LEMD3: variants seen among roughly 807,000 people sequenced by gnomAD.
LEMD3 encodes the protein LEM domain containing 3.
LEMD3 carries 33 observed loss-of-function variants against 95.2 expected under a neutral mutation model. That is an observed-to-expected ratio of 0.35 (90% CI 0.26 to 0.46). LEMD3 has a LOEUF of 0.46. Among genes scored for constraint, LEMD3 ranks in the 20% least tolerant of loss-of-function variants. The pLI is 1.00. For synonymous variants in LEMD3, 525 were observed against 474.6 expected (o/e 1.11, Z -1.38); for missense variants, 1,210 against 1,192.8 (o/e 1.01, Z -0.21).
chr12:65,220,642 C>T (rs1357084174), intron 4 of LEMD3, among the ~76,000 whole-genome samples: 1 of 152,074 alleles, frequency 6.6e-6, no homozygotes, highest in Non-Finnish European at 1.5e-5. Flanking sequence ...AAATTATTGC[C>T]CATATCAACG....
At chr12:65,188,450 T>C (rs1869134486) in intron 1 of LEMD3, among the ~76,000 whole-genome samples, 1 of 152,148 alleles carries the variant, frequency 6.6e-6, no homozygotes, top group Non-Finnish European at 1.5e-5. Context: ...TGAGCTTTTA[T>C]AGGCTGAATG....
chr12:65,246,681 T>C lies in LEMD3; in HGVS notation c.*356T>C. On this transcript the variant is annotated 3_prime_UTR_variant, in exon 13 of 13. Coordinates refer to ENST00000308330, the MANE Select transcript of LEMD3 (RefSeq NM_014319.5). ...GATGAAAAGGCTTCTTGTAGTCCCATAATTTCTTGTGAACTAATGTTGTGA... is the reference window on the plus strand; with the variant it reads ...GATGAAAAGGCTTCTTGTAGTCCCACAATTTCTTGTGAACTAATGTTGTGA... 1 of 256,716 alleles carries C rather than the reference T, an allele frequency of 3.9e-6. No homozygotes were observed. The highest frequency in any genetic ancestry group is 7.6e-6 in the Non-Finnish European group (1 of 132,008). The allele number at this position is 256,716 out of a possible 1,614,324, so 15.9% of individuals were successfully genotyped here.
At position 65,243,447 on chromosome 12, in the gene LEMD3, C is replaced by A. The variant is rs1022928543; in HGVS notation, c.2365C>A (p.Arg789=). The A allele has an allele frequency of 6.3e-7, 1 of 1,595,410 alleles. No homozygotes were observed. The highest frequency in any genetic ancestry group is 1.1e-5 in the South Asian group (1 of 90,628). ...TAGTTTGACACCGTGTCTAAAGATT[C>A]GGAATATGTTTGATCCCGTTATGTA... is the stretch of plus-strand genomic sequence containing the variant. ...PNSLTPCLKI[R]NMFDPVMEIG... Residue 789 remains arginine, a synonymous_variant, in exon 10 of 13, where the codon CGG becomes AGG. Coordinates refer to ENST00000308330, the MANE Select transcript of LEMD3 (RefSeq NM_014319.5).
In LEMD3 at chr12:65,170,127, G is replaced by A; in HGVS notation, c.531G>A (p.Leu177=). ...GGCTCAAAGCGCCGCCGGCGCCCCT[G>A]GCCGCCAGCGAGGTGACTAACAGCA... is the stretch of plus-strand genomic sequence containing the variant. ...YRGLKAPPAP[L]AASEVTNSNS... is the part of the protein sequence containing the mutation. The change falls in exon 1 of 13, where the codon CTG becomes CTA. Residue 177 remains leucine, a synonymous_variant. Transcript: ENST00000308330. 3 of 1,462,732 alleles carry A rather than the reference G, an allele frequency of 2.1e-6. No homozygotes were observed. Among genetic ancestry groups the A allele is most frequent in the Middle Eastern group, 1.8e-4 (1 of 5,586 alleles). The allele number at this position is 1,462,732 out of a possible 1,614,324, so 90.6% of individuals were successfully genotyped here.
In LEMD3 at chr12:65,232,820, G is replaced by A. The variant is rs570901585; in HGVS notation, c.1696-5682G>A. Reference sequence around the variant, plus strand: ...GGAATAATGTAATGAATGGGTTTACGTTCCTAGGTTGCTTTCAAAACCTTC... The same window carrying A: ...GGAATAATGTAATGAATGGGTTTACATTCCTAGGTTGCTTTCAAAACCTTC... On this transcript the variant is annotated intron_variant, in intron 4 of 12. Transcript: ENST00000308330. Among the ~76,000 whole-genome samples, 14 of 152,232 alleles carry A rather than the reference G, an allele frequency of 9.2e-5. No individual in the cohort carries two copies. The East Asian group carries it at 1.5e-3, about 17-fold the overall frequency.
Position 65,170,272 on chromosome 12 carries a change from G to A in LEMD3, c.676G>A (p.Asp226Asn), listed in dbSNP as rs1298362745. Residue 226 changes from aspartate to asparagine, a missense_variant, in exon 1 of 13, where the codon GAC (aspartate) becomes AAC (asparagine). By Grantham distance (23) the Asp-to-Asn change is conservative (BLOSUM62 1). Coordinates refer to ENST00000308330, the MANE Select transcript of LEMD3 (RefSeq NM_014319.5). ...GGAGGACGAGGAAGGGGAGGGAGAGGACGGTGAGGAGAGGGACCCGGAGAC... is the reference window on the plus strand; with the variant it reads ...GGAGGACGAGGAAGGGGAGGGAGAGAACGGTGAGGAGAGGGACCCGGAGAC... Reference protein sequence around the residue: ...AVEDEEGEGEDGEERDPETEE... With the variant: ...AVEDEEGEGENGEERDPETEE... 1.9e-6 allele frequency: 3 copies of A among 1,567,232 alleles called. No homozygotes were observed. Among genetic ancestry groups the A allele is most frequent in the Middle Eastern group, 1.7e-4 (1 of 6,000 alleles).
rs1870911175 is a variant in LEMD3, at chr12:65,240,743, A to C, written c.2127-166A>C. 9.3e-6 allele frequency: 6 copies of C among 647,238 alleles called. No homozygotes were observed. In the South Asian group the frequency reaches 1.2e-4, roughly 13 times the overall value. 40.1% of individuals were successfully genotyped at this position (647,238 alleles called of 1,614,324 possible). A position where few individuals can be genotyped will look rare whatever the true frequency, so the allele number is the denominator to read the frequency against. On this transcript the variant is annotated intron_variant, in intron 8 of 12. Transcript: ENST00000308330. ...GTTTGTGCTCTAGCTCTGGAAATTG[A>C]AACTCAGAAAATCTGAGATGAGATA...
intron 3 of LEMD3, among the ~76,000 whole-genome samples, chr12:65,216,998 A>G (rs1254428047): frequency 1.3e-5 from 2 of 152,216 alleles, no homozygotes; most frequent in East Asian, 3.8e-4. Context: ...TAGGTTAAGT[A>G]TATGCTAGTT....
At chr12:65,177,172 A>G (rs576132470) in intron 1 of LEMD3, among the ~76,000 whole-genome samples, 3 of 152,286 alleles carry the variant, frequency 2.0e-5, no homozygotes, top group African/African-American at 7.2e-5. Context: ...AGTAATGGCA[A>G]TTCATGGAGG....
At chr12:65,185,557 T>C (rs1173984582) in intron 1 of LEMD3, among the ~76,000 whole-genome samples, 1 of 151,986 alleles carries the variant, frequency 6.6e-6, no homozygotes, top group African/African-American at 2.4e-5. Context: ...TTTCTTAATA[T>C]AAGTGGATAT....
At chr12:65,193,167 G>A (rs192204172) in intron 1 of LEMD3, among the ~76,000 whole-genome samples, 86 of 152,226 alleles carry the variant, frequency 5.6e-4, no homozygotes, top group African/African-American at 1.7e-3. Context: ...GAAAGAATTC[G>A]ACTGAGAGGC....
rs775456269 is a variant in LEMD3 at position 65,169,683 on chromosome 12, A to G, written c.87A>G (p.Gly29=). 4 of 1,586,142 alleles carry G rather than the reference A, an allele frequency of 2.5e-6. No individual in the cohort carries two copies. Among genetic ancestry groups the G allele is most frequent in the Non-Finnish European group, 2.6e-6 (3 of 1,167,082 alleles). The change falls in exon 1 of 13, where the codon GGA becomes GGG. Residue 29 remains glycine (G), a synonymous_variant. Coordinates refer to ENST00000308330, the MANE Select transcript of LEMD3 (RefSeq NM_014319.5). ...SQLRRYGLSP[G]PVTESTRPVY... ...TCCGCCGTTACGGCCTGTCTCCCGG[A>G]CCAGTGACGGAGAGCACCCGCCCGG... is the stretch of plus-strand genomic sequence containing the variant.
intron 3 of LEMD3, 140 bp downstream of exon 3, chr12:65,216,183 G>A: frequency 1.8e-6 from 1 of 562,644 alleles, no homozygotes. Flanking sequence ...CCTATACAGA[G>A]TGATTTTTGA....
Position 65,213,220 on chromosome 12 carries a change from T to G in LEMD3, c.1560+2257T>G, listed in dbSNP as rs1333785942. On this transcript the variant is annotated intron_variant, in intron 2 of 12. Coordinates refer to ENST00000308330, the MANE Select transcript of LEMD3 (RefSeq NM_014319.5). ...AGTATATAGACGGTCATTTAAACTG[T>G]TTGTTTGTTTGTTTGTTTTTTTGAG... is the stretch of plus-strand genomic sequence containing the variant. 2.0e-5 allele frequency among the ~76,000 whole-genome samples: 3 copies of G among 151,986 alleles called. No homozygotes were observed. In the East Asian group the frequency reaches 5.8e-4, roughly 29 times the overall value.
At chr12:65,180,618 C>A (rs1406334146) in intron 1 of LEMD3, among the ~76,000 whole-genome samples, 1 of 152,000 alleles carries the variant, frequency 6.6e-6, no homozygotes, top group African/African-American at 2.4e-5. Flanking sequence ...TCTTCATTTT[C>A]TTTTATGTCA....
intron 4 of LEMD3, among the ~76,000 whole-genome samples, chr12:65,229,275 T>A (rs1870552511): frequency 6.6e-6 from 1 of 152,230 alleles, no homozygotes; most frequent in South Asian, 2.1e-4. Flanking sequence ...TACCACATTT[T>A]CTTTATTCAT....
In LEMD3 at chr12:65,246,674, A is replaced by T. The variant is rs1034163659; in HGVS notation, c.*349A>T. 3.7e-6 allele frequency: 1 copy of T among 270,166 alleles called. No homozygotes were observed. The highest frequency in any genetic ancestry group is 7.1e-6 in the Non-Finnish European group (1 of 140,080). The allele number at this position is 270,166 out of a possible 1,614,324, so 16.7% of individuals were successfully genotyped here. Reference sequence around the variant, plus strand: ...AAAGCATGATGAAAAGGCTTCTTGTAGTCCCATAATTTCTTGTGAACTAAT... The same window carrying T: ...AAAGCATGATGAAAAGGCTTCTTGTTGTCCCATAATTTCTTGTGAACTAAT... On this transcript the variant is annotated 3_prime_UTR_variant, in exon 13 of 13. Coordinates refer to ENST00000308330, the MANE Select transcript of LEMD3 (RefSeq NM_014319.5).
intron 1 of LEMD3, among the ~76,000 whole-genome samples, chr12:65,190,685 T>G (rs1252816439): frequency 6.6e-6 from 1 of 152,162 alleles, no homozygotes. Context: ...CCAAACACCA[T>G]AGGCACATGT....
chr12:65,194,043 T>G (rs1417682397), intron 1 of LEMD3, among the ~76,000 whole-genome samples: 1 of 152,148 alleles, frequency 6.6e-6, no homozygotes, highest in Non-Finnish European at 1.5e-5. Flanking sequence ...TGAGCTAGTC[T>G]TATTTACCCA....
Sources: allele counts gnomAD v4.1 joint callset (sites outside exome capture counted in the v4.1 genomes callset), GRCh38; gene constraint gnomAD v4.1.1; transcripts MANE v1.5; gene names NCBI Gene and HGNC (gene_info 2026-07-23, HGNC 2026-07-21).